The following STXBP5L variants were observed in gnomAD, a reference collection of about 807,000 sequenced individuals.
The protein encoded by STXBP5L is syntaxin-binding protein 5-like.
Under a neutral mutation model 144.5 loss-of-function variants are expected in STXBP5L, and 65 were observed. That is an observed-to-expected ratio of 0.45 (90% CI 0.37 to 0.55). The LOEUF is 0.55. Ranked by LOEUF, STXBP5L falls within the 20% of genes least tolerant of loss-of-function variation. The pLI is 0.00. For synonymous variants in STXBP5L, 505 were observed against 469.6 expected, an observed-to-expected ratio of 1.08 and a Z score of -0.97; for missense variants, 1,298 against 1,405.5, an observed-to-expected ratio of 0.92 and a Z score of 1.22.
chr3:121,101,776 A>G (rs1310373597), intron 5 of STXBP5L, among the ~76,000 whole-genome samples: 1 of 152,160 alleles, frequency 6.6e-6, no homozygotes, highest in Non-Finnish European at 1.5e-5. Flanking sequence ...CCAACTAGGA[A>G]AAGAAGAAGA....
At chr3:121,036,772 A>ATTTTTTTTTTTT (rs3863971) in intron 3 of STXBP5L, among the ~76,000 whole-genome samples, 10 of 122,220 alleles carry the variant, frequency 8.2e-5, no homozygotes, top group Non-Finnish European at 1.5e-4. Flanking sequence ...ACATTGATTG[A>ATTTTTTTTTTTT]TTTTTTTTTT....
chr3:121,325,797 T>C (rs1399642944), intron 20 of STXBP5L, among the ~76,000 whole-genome samples: 1 of 152,010 alleles, frequency 6.6e-6, no homozygotes, highest in Non-Finnish European at 1.5e-5. Flanking sequence ...ATATGTATTA[T>C]CTTTAATCCT....
intron 3 of STXBP5L, among the ~76,000 whole-genome samples, chr3:120,985,487 A>G (rs1942205362): frequency 6.6e-6 from 1 of 152,094 alleles, no homozygotes; most frequent in African/African-American, 2.4e-5. Flanking sequence ...ATTATCAACT[A>G]TAGTCACCAT....
intron 11 of STXBP5L, among the ~76,000 whole-genome samples, chr3:121,227,419 A>C (rs2049154666): frequency 6.6e-6 from 1 of 152,064 alleles, no homozygotes; most frequent in Non-Finnish European, 1.5e-5. Flanking sequence ...TCTCTACTAA[A>C]AGTCAAAAAA....
At chr3:121,135,783 T>C (rs546524116) in intron 7 of STXBP5L, among the ~76,000 whole-genome samples, 25 of 152,274 alleles carry the variant, frequency 1.6e-4, no homozygotes, top group Non-Finnish European at 2.6e-4. Flanking sequence ...TGGCCAGGGT[T>C]TGGGGAACTC....
intron 9 of STXBP5L, among the ~76,000 whole-genome samples, chr3:121,171,130 G>T (rs1249005918): frequency 6.6e-6 from 1 of 151,858 alleles, no homozygotes; most frequent in Non-Finnish European, 1.5e-5. Flanking sequence ...GGCCTTCGAT[G>T]CAGAAGAGGA....
At chr3:121,060,728 C>A (rs551804819) in intron 5 of STXBP5L, among the ~76,000 whole-genome samples, 1 of 152,162 alleles carries the variant, frequency 6.6e-6, no homozygotes, top group Non-Finnish European at 1.5e-5. Context: ...GGAATTTATC[C>A]ATTTCTTCCA....
At chr3:121,234,347 C>G (rs1912747) in intron 12 of STXBP5L, among the ~76,000 whole-genome samples, 2 of 151,998 alleles carry the variant, frequency 1.3e-5, no homozygotes, top group Non-Finnish European at 2.9e-5. Flanking sequence ...GAATGACTTT[C>G]TCTTCATTTT....
intron 20 of STXBP5L, among the ~76,000 whole-genome samples, chr3:121,350,206 CT>C (rs2045215779): frequency 6.6e-6 from 1 of 152,120 alleles, no homozygotes; most frequent in African/African-American, 2.4e-5. Flanking sequence ...CTTATTTCTC[CT>C]TCACTTATGA....
chr3:121,324,505 G>A (rs2044080533), intron 20 of STXBP5L: 1 of 696,798 alleles, frequency 1.4e-6, no homozygotes, highest in African/African-American at 1.8e-5. Flanking sequence ...CTTGCTACCA[G>A]AACCCCTGAG....
At chr3:120,962,585 G>A (rs911701748) in intron 3 of STXBP5L, among the ~76,000 whole-genome samples, 8 of 152,162 alleles carry the variant, frequency 5.3e-5, no homozygotes, top group Admixed American at 2.0e-4. Context: ...TCAGATGGTT[G>A]TAGATGTGTG....
At chr3:121,195,374 A>G (rs2047879433) in intron 9 of STXBP5L, among the ~76,000 whole-genome samples, 1 of 152,134 alleles carries the variant, frequency 6.6e-6, no homozygotes, top group South Asian at 2.1e-4. Context: ...TAAGGTATAC[A>G]ACTCAATATT....
At chr3:120,966,495 G>T (rs1288281169) in intron 3 of STXBP5L, among the ~76,000 whole-genome samples, 1 of 151,948 alleles carries the variant, frequency 6.6e-6, no homozygotes, top group Non-Finnish European at 1.5e-5. Flanking sequence ...TGATGTTGAT[G>T]CTATTCCTTT....
intron 9 of STXBP5L, among the ~76,000 whole-genome samples, chr3:121,201,980 A>T (rs560796404): frequency 6.6e-6 from 1 of 152,166 alleles, no homozygotes; most frequent in African/African-American, 2.4e-5. Flanking sequence ...GGTGTTGAAC[A>T]CCTGACCTCA....
intron 3 of STXBP5L, among the ~76,000 whole-genome samples, chr3:120,991,446 A>G (rs1255213083): frequency 2.0e-5 from 3 of 152,034 alleles, no homozygotes; most frequent in Non-Finnish European, 2.9e-5. Flanking sequence ...ATCTAGAACT[A>G]GAAATACCAT....
At chr3:121,265,066 A>T (rs911308324) in intron 18 of STXBP5L, among the ~76,000 whole-genome samples, 1 of 152,178 alleles carries the variant, frequency 6.6e-6, no homozygotes, top group African/African-American at 2.4e-5. Context: ...ACAAATCAAC[A>T]AGACAGAAAA....
At chr3:121,172,823 T>C (rs925253102) in intron 9 of STXBP5L, among the ~76,000 whole-genome samples, 1 of 152,224 alleles carries the variant, frequency 6.6e-6, no homozygotes, top group African/African-American at 2.4e-5. Context: ...AGCTATCCCA[T>C]TACTGGGTGT....
rs145259443 is a variant in STXBP5L, at chr3:121,109,458, G to C, written c.471-5467G>C. On this transcript the variant is annotated intron_variant, in intron 5 of 26. Transcript: ENST00000471454. The stretch of plus-strand genomic sequence containing the variant: ...TCTCATTGGTTTCACAGAACTTCTT[G>C]ATTTCTGCCTTAATTTCATTACCCA... Among the ~76,000 whole-genome samples the C allele has an allele frequency of 2.2e-3, 330 of 152,178 alleles. 3 individuals carry two copies. The highest frequency in any genetic ancestry group is 3.5e-3 in the Non-Finnish European group (240 of 67,954).
chr3:121,068,309 A>G (rs1371255616), intron 5 of STXBP5L, among the ~76,000 whole-genome samples: 1 of 152,228 alleles, frequency 6.6e-6, no homozygotes, highest in Non-Finnish European at 1.5e-5. Context: ...CCTGGTGACA[A>G]TATTAGTCTT....
Sources: allele counts gnomAD v4.1 joint callset (sites outside exome capture counted in the v4.1 genomes callset), GRCh38; gene constraint gnomAD v4.1.1; transcripts MANE v1.5; gene names NCBI Gene and HGNC (gene_info 2026-07-23, HGNC 2026-07-21).